Variants in NRG3 observed in about 807,000 individuals in gnomAD.
NRG3 encodes the protein pro-neuregulin-3, membrane-bound isoform.
NRG3 carries 31 observed loss-of-function variants against 66.9 expected under a neutral mutation model. The observed-to-expected ratio is 0.46, with a 90% CI of 0.35 to 0.63. NRG3 has a LOEUF of 0.63. Among genes scored for constraint, NRG3 ranks in the 20% least tolerant of loss-of-function variants. NRG3 has a pLI of 0.00. For missense variants in NRG3, 910 were observed against 878.9 expected (o/e 1.04, Z -0.45); for synonymous variants, 393 against 359.4 (o/e 1.09, Z -1.06).
At chr10:82,670,494 G>A (rs934271251) in intron 2 of NRG3, among the ~76,000 whole-genome samples, 27 of 152,162 alleles carry the variant, frequency 1.8e-4, no homozygotes, top group African/African-American at 6.5e-4. Flanking sequence ...AAGTATGGTT[G>A]TAGAGTTTTG....
rs186467830 is a variant in NRG3 at position 82,452,366 on chromosome 10, G to T, written c.953+93498G>T. On this transcript the variant is annotated intron_variant, in intron 2 of 8. Coordinates refer to ENST00000372141, the MANE Select transcript of NRG3 (RefSeq NM_001010848.4). ...CATCCTCATTTTCAGAACTCCATGA[G>T]CTTTCAGGTAAAAATCTATAAGATT... Among the ~76,000 whole-genome samples, 340 of 152,268 alleles carry T rather than the reference G, an allele frequency of 2.2e-3. 1 individual carries two copies. Among genetic ancestry groups the T allele is most frequent in the African/African-American group, 6.6e-3 (274 of 41,556 alleles).
At chr10:82,416,970 C>T (rs575031925) in intron 2 of NRG3, among the ~76,000 whole-genome samples, 1 of 152,176 alleles carries the variant, frequency 6.6e-6, no homozygotes, top group South Asian at 2.1e-4. Context: ...CATAATGGTG[C>T]CCAACACTGT....
chr10:82,162,616 A>G (rs1182233428), intron 1 of NRG3, among the ~76,000 whole-genome samples: 2 of 152,172 alleles, frequency 1.3e-5, no homozygotes, highest in African/African-American at 4.8e-5. Flanking sequence ...CAAAGAGAAT[A>G]CATTGAAGTG....
chr10:81,986,806 T>C (rs1033537749), intron 1 of NRG3, among the ~76,000 whole-genome samples: 5 of 152,150 alleles, frequency 3.3e-5, no homozygotes, highest in Non-Finnish European at 7.4e-5. Flanking sequence ...TGCCTCAGCC[T>C]TCTGACTACA....
At chr10:82,887,875 A>G (rs1842851210) in intron 4 of NRG3, among the ~76,000 whole-genome samples, 1 of 152,234 alleles carries the variant, frequency 6.6e-6, no homozygotes, top group Admixed American at 6.5e-5. Context: ...AGTTATATTA[A>G]AAGAATTTGT....
At chr10:82,497,605 G>A (rs553473477) in intron 2 of NRG3, among the ~76,000 whole-genome samples, 22 of 152,100 alleles carry the variant, frequency 1.4e-4, no homozygotes, top group African/African-American at 2.9e-4. Flanking sequence ...GTGTGTGTGC[G>A]CATAAAATAG....
At chr10:82,065,717 T>C (rs2064417146) in intron 1 of NRG3, among the ~76,000 whole-genome samples, 1 of 152,184 alleles carries the variant, frequency 6.6e-6, no homozygotes, top group Admixed American at 6.5e-5. Context: ...TCTGTGTCTC[T>C]AGATGGACCC....
chr10:81,942,448 A>G (rs1019195748), intron 1 of NRG3, among the ~76,000 whole-genome samples: 4 of 152,138 alleles, frequency 2.6e-5, no homozygotes, highest in Non-Finnish European at 4.4e-5. Context: ...CCAAAATAAT[A>G]CACCCCCTCT....
chr10:82,867,810 A>C (rs1369941376), intron 4 of NRG3, among the ~76,000 whole-genome samples: 2 of 152,134 alleles, frequency 1.3e-5, no homozygotes, highest in African/African-American at 4.8e-5. Context: ...CAAATTACTG[A>C]AAATCATGGG....
At chr10:81,936,920 T>C (rs1847931249) in intron 1 of NRG3, among the ~76,000 whole-genome samples, 1 of 152,196 alleles carries the variant, frequency 6.6e-6, no homozygotes, top group Admixed American at 6.5e-5. Context: ...ATGCACATTG[T>C]TGTGCAACAG....
intron 6 of NRG3, among the ~76,000 whole-genome samples, chr10:82,968,979 A>C (rs1190013824): frequency 6.6e-6 from 1 of 152,202 alleles, no homozygotes; most frequent in Non-Finnish European, 1.5e-5. Flanking sequence ...TTATAAAACT[A>C]TCAGATCTCA....
chr10:82,507,256 G>A (rs912630537), intron 2 of NRG3, among the ~76,000 whole-genome samples: 4 of 152,146 alleles, frequency 2.6e-5, no homozygotes, highest in Admixed American at 6.5e-5. Flanking sequence ...TGATGGGTTC[G>A]CAGTGTAAAG....
At chr10:82,867,326 C>A (rs530335532) in intron 4 of NRG3, among the ~76,000 whole-genome samples, 57 of 152,148 alleles carry the variant, frequency 3.7e-4, no homozygotes, top group Non-Finnish European at 1.2e-4. Context: ...CTGATGCATA[C>A]CCAATGCTTA....
chr10:82,912,280 A>G (rs75948410), intron 4 of NRG3, among the ~76,000 whole-genome samples: 3,148 of 152,244 alleles, frequency 0.021, 96 homozygotes, highest in African/African-American at 0.069. Flanking sequence ...GAATTAATCT[A>G]TTTCCCCTTG....
chr10:82,580,289 T>C (rs1174249712), intron 2 of NRG3, among the ~76,000 whole-genome samples: 1 of 152,004 alleles, frequency 6.6e-6, no homozygotes, highest in Non-Finnish European at 1.5e-5. Context: ...CGAGCAGTTT[T>C]AGATTTACAG....
At chr10:82,164,210 C>A (rs924183633) in intron 1 of NRG3, among the ~76,000 whole-genome samples, 5 of 151,924 alleles carry the variant, frequency 3.3e-5, no homozygotes, top group Admixed American at 2.6e-4. Context: ...AGCCACAGCA[C>A]CTGGCAAAAT....
At chr10:82,491,522 G>T (rs143573167) in intron 2 of NRG3, among the ~76,000 whole-genome samples, 67 of 151,756 alleles carry the variant, frequency 4.4e-4, no homozygotes, top group African/African-American at 1.5e-3. Flanking sequence ...GATAATAAAA[G>T]TAAGTATATT....
intron 1 of NRG3, among the ~76,000 whole-genome samples, chr10:81,902,963 A>G (rs541669284): frequency 2.0e-5 from 3 of 152,296 alleles, no homozygotes; most frequent in Admixed American, 6.5e-5. Flanking sequence ...AGTTCTCAGT[A>G]CAGTTTGATG....
At chr10:82,408,476 A>G (rs368013636) in intron 2 of NRG3, among the ~76,000 whole-genome samples, 53 of 152,214 alleles carry the variant, frequency 3.5e-4, no homozygotes, top group African/African-American at 1.2e-3. Flanking sequence ...AAATAGATCA[A>G]TTTAGCACAA....
Sources: gnomAD v4.1 joint callset for allele counts (sites outside exome capture counted in the v4.1 genomes callset) on GRCh38, gnomAD v4.1.1 for gene constraint, MANE v1.5 for transcripts, NCBI Gene and HGNC (gene_info 2026-07-23, HGNC 2026-07-21) for gene names.